Variants in ROCK1 observed in about 807,000 individuals in gnomAD.
ROCK1 encodes rho-associated protein kinase 1.
Under a neutral mutation model 196.8 loss-of-function variants are expected in ROCK1, and 36 were observed. The ratio of observed to expected loss-of-function variants is 0.18; its 90% CI spans 0.14 to 0.24. The LOEUF is 0.24. Ranked by LOEUF, ROCK1 falls within the 10% of genes least tolerant of loss-of-function variation. The probability of loss-of-function intolerance (pLI) is 1.00; values close to 1 mark genes in which losing one functional copy is unlikely to be tolerated. For missense variants in ROCK1, 920 were observed against 1,562.0 expected (o/e 0.59, Z 6.93); for synonymous variants, 443 against 515.9 (o/e 0.86, Z 1.91).
intron 2 of ROCK1, among the ~76,000 whole-genome samples, chr18:21,066,877 G>T (rs2036339161): frequency 6.6e-6 from 1 of 152,174 alleles, no homozygotes; most frequent in Non-Finnish European, 1.5e-5. Context: ...ACATAAAGTT[G>T]CCTTAAACAT....
intron 9 of ROCK1, among the ~76,000 whole-genome samples, chr18:21,029,331 T>A (rs1460452603): frequency 2.0e-5 from 3 of 152,130 alleles, no homozygotes; most frequent in African/African-American, 7.2e-5. Flanking sequence ...GCTTTAAATA[T>A]AGTATTTTTT....
chr18:21,055,136 A>G (rs1242827709), intron 2 of ROCK1, among the ~76,000 whole-genome samples: 1 of 152,244 alleles, frequency 6.6e-6, no homozygotes, highest in Admixed American at 6.5e-5. Flanking sequence ...TTAGTTTGGC[A>G]AAACGACAAT....
intron 1 of ROCK1, among the ~76,000 whole-genome samples, chr18:21,076,150 T>C (rs533386257): frequency 6.6e-6 from 1 of 152,316 alleles, no homozygotes; most frequent in African/African-American, 2.4e-5. Flanking sequence ...TCATTTGCCA[T>C]TTAAACATCA....
chr18:21,049,217 A>G lies in ROCK1; in HGVS notation c.289T>C (p.Ser97Pro). 1 of 1,588,812 alleles carries G rather than the reference A, an allele frequency of 6.3e-7. No individual in the cohort carries two copies. The highest frequency in any genetic ancestry group is 8.6e-7 in the Non-Finnish European group (1 of 1,167,572). Residue 97 changes from serine (S) to proline (P), a missense_variant, in exon 4 of 33, where the codon TCC becomes CCC. Ser to Pro is a moderately conservative substitution (Grantham distance 74, BLOSUM62 -1). Around this residue, in one of 6 missense-constraint regions of ROCK1, gnomAD observed 234 missense variants for 460.7 expected, o/e 0.51. Coordinates refer to ENST00000399799, the MANE Select transcript of ROCK1 (RefSeq NM_005406.3). ...FGEVQLVRHK[S>P]TRKVYAMKLL... ...TTCATAGCATATACCTTCCTGGTGG[A>G]TTTATGCCTTACCTTTAAAATTGAA...
chr18:21,062,239 C>T (rs2036297720), intron 2 of ROCK1, among the ~76,000 whole-genome samples: 1 of 152,036 alleles, frequency 6.6e-6, no homozygotes, highest in Admixed American at 6.6e-5. Flanking sequence ...TAAGATGAGC[C>T]TGGAGCATCG....
intron 1 of ROCK1, among the ~76,000 whole-genome samples, chr18:21,075,906 T>A (rs1271902743): frequency 7.2e-6 from 1 of 139,396 alleles, no homozygotes; most frequent in Non-Finnish European, 1.5e-5. Flanking sequence ...TGAGCCGACA[T>A]AGCACCACTG....
intron 22 of ROCK1, 93 bp from the exon 23 acceptor site, chr18:20,970,606 G>T: frequency 2.5e-6 from 2 of 794,160 alleles, no homozygotes; most frequent in South Asian, 2.3e-5. Context: ...AACTTTAAAT[G>T]ATAAAAAGAA....
intron 9 of ROCK1, among the ~76,000 whole-genome samples, chr18:21,032,417 T>A (rs142416928): frequency 6.6e-6 from 1 of 150,476 alleles, no homozygotes; most frequent in East Asian, 1.9e-4. Context: ...AATAGCATAC[T>A]AGGGGAAAAA....
chr18:21,008,271 A>G, intron 13 of ROCK1, 77 bp from the exon 14 acceptor site: 2 of 1,102,668 alleles, frequency 1.8e-6, no homozygotes, highest in Non-Finnish European at 2.5e-6. Context: ...TTGTTCTTAA[A>G]AACAAAAAAC....
At chr18:21,071,813 A>G (rs2036388124) in intron 1 of ROCK1, among the ~76,000 whole-genome samples, 1 of 152,196 alleles carries the variant, frequency 6.6e-6, no homozygotes. Context: ...TTTACATGAT[A>G]CCGTTGGGAG....
At position 21,020,051 on chromosome 18, in the gene ROCK1, C is replaced by G. The variant is rs961838128; in HGVS notation, c.1361+100G>C. 2.4e-5 allele frequency: 15 copies of G among 631,446 alleles called. No individual in the cohort carries two copies. The South Asian group carries it at 2.9e-4, about 12-fold the overall frequency. The allele number at this position is 631,446 out of a possible 1,614,324, so 39.1% of individuals were successfully genotyped here. A position where few individuals can be genotyped will look rare whatever the true frequency, so the allele number is the denominator to read the frequency against. On this transcript the variant is annotated intron_variant, in intron 12 of 32. Coordinates refer to ENST00000399799, the MANE Select transcript of ROCK1 (RefSeq NM_005406.3). ...TTATCAGTAGTAATCTTTACATCCT[C>G]ATTTTCTATTTACTTTCAGATGTTT...
intron 11 of ROCK1, 98 bp from the exon 12 acceptor site, chr18:21,020,337 A>G: frequency 3.6e-6 from 2 of 558,278 alleles, no homozygotes; most frequent in South Asian, 3.4e-5. Flanking sequence ...TTTTTAGAAA[A>G]TAATTTAATT....
intron 27 of ROCK1, among the ~76,000 whole-genome samples, chr18:20,963,553 T>C (rs1470871806): frequency 6.6e-6 from 1 of 152,102 alleles, no homozygotes; most frequent in African/African-American, 2.4e-5. Flanking sequence ...AGGTTTAAGT[T>C]ACATAACCTA....
chr18:21,010,386 T>A (rs2035806405), intron 13 of ROCK1, among the ~76,000 whole-genome samples: 1 of 152,230 alleles, frequency 6.6e-6, no homozygotes, highest in African/African-American at 2.4e-5. Context: ...ATTTTGATGA[T>A]GTATTTTCAC....
chr18:21,013,445 C>A (rs1438872845), intron 13 of ROCK1, among the ~76,000 whole-genome samples: 2 of 152,144 alleles, frequency 1.3e-5, no homozygotes, highest in Admixed American at 6.5e-5. Context: ...CCTTATGTGG[C>A]CCCCACAGAT....
intron 10 of ROCK1, among the ~76,000 whole-genome samples, chr18:21,028,391 G>C (rs1225595468): frequency 1.3e-5 from 2 of 151,978 alleles, no homozygotes; most frequent in Middle Eastern, 3.4e-3. Flanking sequence ...ACTCCAGCCT[G>C]GGTGACAGAG....
At chr18:20,963,145 A>G (rs2035342764) in intron 27 of ROCK1, among the ~76,000 whole-genome samples, 1 of 152,112 alleles carries the variant, frequency 6.6e-6, no homozygotes, top group Non-Finnish European at 1.5e-5. Flanking sequence ...ATGTACAAAA[A>G]CAACTTGGCT....
chr18:20,976,156 C>CTA (rs138642262), intron 22 of ROCK1, among the ~76,000 whole-genome samples: 19,409 of 151,152 alleles, frequency 0.13, 2,244 homozygotes, highest in African/African-American at 0.31. Flanking sequence ...CCCCCTGCAT[C>CTA]TATATATTCA....
chr18:21,024,108 T>C (rs1230664691), intron 10 of ROCK1, among the ~76,000 whole-genome samples: 2 of 152,220 alleles, frequency 1.3e-5, no homozygotes, highest in African/African-American at 4.8e-5. Context: ...AACTGCTGAC[T>C]TCTGCAGACA....
Sources: allele counts gnomAD v4.1 joint callset (sites outside exome capture counted in the v4.1 genomes callset), GRCh38; gene constraint gnomAD v4.1.1; regional missense constraint gnomAD v4.1.1; transcripts MANE v1.5; gene names NCBI Gene and HGNC (gene_info 2026-07-23, HGNC 2026-07-21).